BZW2: variants seen among roughly 807,000 people sequenced by gnomAD.
BZW2 encodes the protein basic leucine zipper and W2 domains 2.
Under a neutral mutation model 53.2 loss-of-function variants are expected in BZW2, and 23 were observed. The ratio of observed to expected loss-of-function variants is 0.43; its 90% CI spans 0.31 to 0.61. The LOEUF (loss-of-function observed/expected upper bound fraction) is 0.61. Ranked by LOEUF, BZW2 falls within the 20% of genes least tolerant of loss-of-function variation. BZW2 has a pLI of 0.09. For missense variants in BZW2, 409 were observed against 503.1 expected (o/e 0.81, Z 1.79); for synonymous variants, 227 against 186.4 (o/e 1.22, Z -1.77).
chr7:16,698,417 G>A, intron 10 of BZW2: 3 of 437,166 alleles, frequency 6.9e-6, no homozygotes, highest in South Asian at 4.5e-5. Context: ...ACTTCTCATT[G>A]GTAGATGAAC....
At chr7:16,669,197 C>T (rs1782526885) in intron 2 of BZW2, among the ~76,000 whole-genome samples, 1 of 152,234 alleles carries the variant, frequency 6.6e-6, no homozygotes, top group African/African-American at 2.4e-5. Context: ...GCAATCTCAG[C>T]TCACTGCAGC....
rs777468806 is a variant in BZW2, at chr7:16,704,674, G to A, written c.1231+5G>A. 1.3e-5 allele frequency: 20 copies of A among 1,564,660 alleles called. No homozygotes were observed. Among genetic ancestry groups the A allele is most frequent in the African/African-American group, 2.7e-5 (2 of 74,492 alleles). ...GGTTACAAAATGCAGAAGAAGGTAT[G>A]ATTCTGTTTACAAACATTGATGACC... On this transcript the variant is annotated splice_donor_5th_base_variant and intron_variant, in intron 11 of 11. Transcript: ENST00000258761.
At chr7:16,685,839 T>A in intron 5 of BZW2, 66 bp from the exon 6 acceptor site, 1 of 1,469,354 alleles carries the variant, frequency 6.8e-7, no homozygotes. Context: ...GTCCTTTGCT[T>A]CATAGACATG....
rs1020233337 is a variant in BZW2, at chr7:16,706,321, TTA to T, written c.*234_*235del. ...TACCTCTCACTCACTATATGCTAAC[TTA>T]AAGCCATTCAACAAGGAGTCAAGTA... is the stretch of plus-strand genomic sequence containing the variant. On this transcript the variant is annotated 3_prime_UTR_variant, in exon 12 of 12. Coordinates refer to ENST00000258761, the MANE Select transcript of BZW2 (RefSeq NM_014038.3). The T allele has an allele frequency of 6.4e-6, 3 of 467,282 alleles. No homozygotes were observed. Among genetic ancestry groups the T allele is most frequent in the Admixed American group, 4.0e-5 (1 of 25,294 alleles). The allele number at this position is 467,282 out of a possible 1,614,324, so 28.9% of individuals were successfully genotyped here.
chr7:16,661,667 T>A (rs1300441983), intron 1 of BZW2, among the ~76,000 whole-genome samples: 1 of 152,156 alleles, frequency 6.6e-6, no homozygotes, highest in Non-Finnish European at 1.5e-5. Context: ...TATCGCCTTC[T>A]TTTACCTTGT....
intron 3 of BZW2, among the ~76,000 whole-genome samples, chr7:16,680,762 T>C (rs1782919531): frequency 1.3e-5 from 2 of 151,830 alleles, no homozygotes; most frequent in South Asian, 4.1e-4. Flanking sequence ...TGAGCCATAA[T>C]TGCACCACTG....
chr7:16,651,632 T>C (rs1386829695), intron 1 of BZW2, among the ~76,000 whole-genome samples: 1 of 152,196 alleles, frequency 6.6e-6, no homozygotes, highest in Admixed American at 6.5e-5. Context: ...ATTGTGTTTG[T>C]GTTAGAGTTG....
rs532822410 is a variant in BZW2, at chr7:16,669,341, C to T, written c.58+3840C>T. On this transcript the variant is annotated intron_variant, in intron 2 of 11. Coordinates refer to ENST00000258761, the MANE Select transcript of BZW2 (RefSeq NM_014038.3). ...GAAGTTTCATCATGTTGCTCAGGTT[C>T]GTCTCAGAACGCCTGGGCTCAAGTG... 1.4e-3 allele frequency among the ~76,000 whole-genome samples: 218 copies of T among 152,258 alleles called. No homozygotes were observed. In the South Asian group the frequency reaches 0.016, roughly 11 times the overall value.
chr7:16,698,304 GC>G, intron 10 of BZW2, 118 bp downstream of exon 10: 1 of 1,351,980 alleles, frequency 7.4e-7, no homozygotes, highest in African/African-American at 1.4e-5. Flanking sequence ...ACAGCAAGAT[GC>G]TAATTTGTGA....
chr7:16,678,462 C>G (rs1271459580), intron 3 of BZW2, among the ~76,000 whole-genome samples: 1 of 152,098 alleles, frequency 6.6e-6, no homozygotes, highest in South Asian at 2.1e-4. Context: ...ACTCCAAAAA[C>G]GTTAGAAATG....
Position 16,685,895 on chromosome 7 carries a change from TGACCCACAGCTTCTCCTC to T in BZW2, c.406-9_414del. 5 of 1,353,440 alleles carry T rather than the reference TGACCCACAGCTTCTCCTC, an allele frequency of 3.7e-6. No individual in the cohort carries two copies. Among genetic ancestry groups the T allele is most frequent in the Non-Finnish European group, 3.9e-6 (4 of 1,035,896 alleles). 83.8% of individuals were successfully genotyped at this position (1,353,440 alleles called of 1,614,324 possible). A position where few individuals can be genotyped will look rare whatever the true frequency, so the allele number is the denominator to read the frequency against. On this transcript the variant is annotated splice_acceptor_variant and splice_polypyrimidine_tract_variant and coding_sequence_variant and intron_variant, in exon 6 of 12. Transcript: ENST00000258761. LOFTEE classifies it high-confidence loss of function. ...CTTTTTCTTTTTTTTTTTTTTTTTT[TGACCCACAGCTTCTCCTC>T]TTCCTTAAAGCCTTTTCCGAAACAG...
intron 1 of BZW2, among the ~76,000 whole-genome samples, chr7:16,649,919 A>G (rs1384026192): frequency 6.6e-6 from 1 of 152,184 alleles, no homozygotes; most frequent in Non-Finnish European, 1.5e-5. Flanking sequence ...TCACTTGATT[A>G]TACTGTTCTC....
intron 2 of BZW2, among the ~76,000 whole-genome samples, chr7:16,672,944 T>C (rs1782650165): frequency 6.7e-6 from 1 of 149,770 alleles, no homozygotes; most frequent in Non-Finnish European, 1.5e-5. Context: ...GTTTGTCTTA[T>C]CCACTTTCTT....
chr7:16,654,250 T>C (rs919762820), intron 1 of BZW2, among the ~76,000 whole-genome samples: 1 of 151,630 alleles, frequency 6.6e-6, no homozygotes, highest in Non-Finnish European at 1.5e-5. Context: ...AATAATAATA[T>C]AGAGACCATC....
rs180692250 is a variant in BZW2, at chr7:16,660,229, A to G, written c.-7-5208A>G. Among the ~76,000 whole-genome samples, 6 of 151,998 alleles carry G rather than the reference A, an allele frequency of 3.9e-5. No individual in the cohort carries two copies. The East Asian group carries it at 5.8e-4, about 15-fold the overall frequency. ...AAGTCTTTTTTCCACCTTGGGCAAC[A>G]TGGGGAAACCCTGTCTCTATCAAAA... On this transcript the variant is annotated intron_variant, in intron 1 of 11. Transcript: ENST00000258761.
chr7:16,693,231 C>T (rs181338917), intron 7 of BZW2, among the ~76,000 whole-genome samples: 249 of 152,190 alleles, frequency 1.6e-3, no homozygotes, highest in Non-Finnish European at 2.7e-3. Context: ...ATTTGTACCA[C>T]GGTATGGTTT....
chr7:16,654,981 C>G (rs745427253), intron 1 of BZW2, among the ~76,000 whole-genome samples: 6 of 152,166 alleles, frequency 3.9e-5, no homozygotes, highest in Non-Finnish European at 8.8e-5. Flanking sequence ...GGTTACCTCT[C>G]ACTTTCAAAT....
intron 3 of BZW2, among the ~76,000 whole-genome samples, chr7:16,679,508 CTG>C (rs1440996005): frequency 6.6e-6 from 1 of 152,186 alleles, no homozygotes; most frequent in Non-Finnish European, 1.5e-5. Context: ...ACTTACTAAA[CTG>C]TATGCTGAAG....
intron 1 of BZW2, among the ~76,000 whole-genome samples, chr7:16,650,881 T>A (rs141796544): frequency 1.1e-3 from 173 of 152,350 alleles, no homozygotes; most frequent in Admixed American, 2.0e-3. Flanking sequence ...TAGTCATATT[T>A]GTAAACTATC....
Sources: gnomAD v4.1 joint callset for allele counts (sites outside exome capture counted in the v4.1 genomes callset) on GRCh38, gnomAD v4.1.1 for gene constraint, MANE v1.5 for transcripts, NCBI Gene and HGNC (gene_info 2026-07-23, HGNC 2026-07-21) for gene names.